The following KCNIP1 variants were observed in gnomAD, a reference collection of about 807,000 sequenced individuals.
KCNIP1 encodes A-type potassium channel modulatory protein KCNIP1.
KCNIP1 carries 18 observed loss-of-function variants against 33.0 expected under a neutral mutation model. The observed-to-expected ratio is 0.55, with a 90% CI of 0.38 to 0.81. The LOEUF (loss-of-function observed/expected upper bound fraction) is 0.81. Ranked by LOEUF, KCNIP1 falls within the 30% of genes least tolerant of loss-of-function variation. The pLI is 0.00. For synonymous variants in KCNIP1, 93 were observed against 98.3 expected (o/e 0.95, Z 0.32); for missense variants, 238 against 271.6 (o/e 0.88, Z 0.87).
At chr5:170,690,132 G>A (rs1206370207) in intron 1 of KCNIP1, among the ~76,000 whole-genome samples, 4 of 152,128 alleles carry the variant, frequency 2.6e-5, no homozygotes, top group Non-Finnish European at 5.9e-5. Context: ...GTAGGGTGTT[G>A]AATGAATGAA....
At chr5:170,481,343 G>A (rs1318664171) in intron 1 of KCNIP1, among the ~76,000 whole-genome samples, 1 of 152,202 alleles carries the variant, frequency 6.6e-6, no homozygotes, top group African/African-American at 2.4e-5. Context: ...TAGAGACAAA[G>A]TCTGGCCATT....
At chr5:170,574,954 T>C (rs1007183476) in intron 1 of KCNIP1, among the ~76,000 whole-genome samples, 5 of 152,192 alleles carry the variant, frequency 3.3e-5, no homozygotes, top group African/African-American at 7.2e-5. Context: ...TCATCAATGT[T>C]ATATGAAGCA....
intron 1 of KCNIP1, among the ~76,000 whole-genome samples, chr5:170,433,654 C>T (rs1390813121): frequency 6.6e-6 from 1 of 152,200 alleles, no homozygotes; most frequent in East Asian, 1.9e-4. Context: ...CTTGTCATCA[C>T]CACTACATCT....
At chr5:170,576,745 A>G (rs1387100070) in intron 1 of KCNIP1, among the ~76,000 whole-genome samples, 2 of 152,254 alleles carry the variant, frequency 1.3e-5, no homozygotes, top group Non-Finnish European at 2.9e-5. Flanking sequence ...CACAAAGTAC[A>G]TGCCTAACAA....
chr5:170,499,069 A>G (rs1757363665), upstream of KCNIP1, among the ~76,000 whole-genome samples: 1 of 152,118 alleles, frequency 6.6e-6, no homozygotes, highest in Non-Finnish European at 1.5e-5. Context: ...GCTTTCTAAA[A>G]GCTCCCAGTC....
intron 1 of KCNIP1, among the ~76,000 whole-genome samples, chr5:170,552,048 G>A (rs748012096): frequency 1.3e-4 from 19 of 151,756 alleles, no homozygotes; most frequent in Admixed American, 2.6e-4. Flanking sequence ...TGTTCATGCC[G>A]ATGTTCACGA....
intron 1 of KCNIP1, among the ~76,000 whole-genome samples, chr5:170,609,830 C>T (rs1028883040): frequency 6.6e-6 from 1 of 152,150 alleles, no homozygotes; most frequent in Non-Finnish European, 1.5e-5. Context: ...GCACTCCAGC[C>T]TGGATGACAG....
At chr5:170,421,433 A>C (rs1305433932) in intron 1 of KCNIP1, among the ~76,000 whole-genome samples, 2 of 152,158 alleles carry the variant, frequency 1.3e-5, no homozygotes, top group East Asian at 3.9e-4. Context: ...CTGCTATAAC[A>C]AAATATCATA....
chr5:170,562,408 G>A (rs1409420843), intron 1 of KCNIP1, among the ~76,000 whole-genome samples: 1 of 152,178 alleles, frequency 6.6e-6, no homozygotes, highest in Non-Finnish European at 1.5e-5. Context: ...CTCTGTGAGG[G>A]CAAGGGCCTC....
At chr5:170,540,461 A>T (rs1412697354) in intron 1 of KCNIP1, among the ~76,000 whole-genome samples, 1 of 152,208 alleles carries the variant, frequency 6.6e-6, no homozygotes, top group East Asian at 1.9e-4. Context: ...CAGCCCTGCT[A>T]TGTGGATCTT....
intron 1 of KCNIP1, among the ~76,000 whole-genome samples, chr5:170,589,836 G>A (rs1758172494): frequency 9.7e-6 from 1 of 102,950 alleles, no homozygotes; most frequent in Admixed American, 1.1e-4. Context: ...TATGGGTTGA[G>A]GCTGGCCTTA....
intron 1 of KCNIP1, among the ~76,000 whole-genome samples, chr5:170,398,765 C>T (rs894505756): frequency 1.3e-5 from 2 of 152,232 alleles, no homozygotes; most frequent in African/African-American, 4.8e-5. Flanking sequence ...ACCCCAATCC[C>T]TCCCAGCCTC....
chr5:170,420,698 G>T (rs1415791257), intron 1 of KCNIP1: 1 of 152,150 alleles, frequency 6.6e-6, no homozygotes, highest in African/African-American at 2.4e-5. Context: ...TGACGGCATG[G>T]TGGTTGGCAC....
chr5:170,515,266 T>C (rs1337562541), intron 1 of KCNIP1, among the ~76,000 whole-genome samples: 8 of 152,334 alleles, frequency 5.3e-5, no homozygotes, highest in African/African-American at 1.7e-4. Context: ...TTGAATCTTG[T>C]CCTGATCTTC....
At chr5:170,653,919 C>T (rs1761157617) in intron 1 of KCNIP1, among the ~76,000 whole-genome samples, 1 of 152,040 alleles carries the variant, frequency 6.6e-6, no homozygotes, top group Admixed American at 6.5e-5. Flanking sequence ...TCACTAAAAT[C>T]ATTTGAATCG....
At chr5:170,407,558 C>T (rs1339687074) in intron 1 of KCNIP1, among the ~76,000 whole-genome samples, 3 of 152,206 alleles carry the variant, frequency 2.0e-5, no homozygotes, top group Non-Finnish European at 4.4e-5. Flanking sequence ...TTTTTAAAGA[C>T]ATGTTAATAC....
At chr5:170,564,772 C>A (rs746351431) in intron 1 of KCNIP1, among the ~76,000 whole-genome samples, 37 of 152,136 alleles carry the variant, frequency 2.4e-4, no homozygotes, top group Non-Finnish European at 4.7e-4. Context: ...TGTTTACACT[C>A]TTGCAGAACA....
intron 1 of KCNIP1, among the ~76,000 whole-genome samples, chr5:170,587,975 A>T (rs1758062637): frequency 6.6e-6 from 1 of 152,218 alleles, no homozygotes; most frequent in Admixed American, 6.5e-5. Context: ...CAGAGAGAGC[A>T]TGCACTGAGG....
At chr5:170,714,737 T>C (rs1041207826) in intron 1 of KCNIP1, among the ~76,000 whole-genome samples, 1 of 151,962 alleles carries the variant, frequency 6.6e-6, no homozygotes, top group Non-Finnish European at 1.5e-5. Flanking sequence ...AGAAAAAGCT[T>C]ATAAAATAAG....
Sources: gnomAD v4.1 joint callset for allele counts (sites outside exome capture counted in the v4.1 genomes callset) on GRCh38, gnomAD v4.1.1 for gene constraint, MANE v1.5 for transcripts, NCBI Gene and HGNC (gene_info 2026-07-23, HGNC 2026-07-21) for gene names.